The following EFCAB14 variants were observed in gnomAD, a reference collection of about 807,000 sequenced individuals.
EFCAB14 encodes the protein EF-hand calcium binding domain 14, also known as EF-hand calcium-binding domain-containing protein 14.
Under a neutral mutation model 56.5 loss-of-function variants are expected in EFCAB14, and 43 were observed. The observed-to-expected ratio is 0.76, with a 90% confidence interval of 0.60 to 0.98. The LOEUF (loss-of-function observed/expected upper bound fraction) is 0.98, where lower values mean the gene tolerates loss of function less well. Ranked by LOEUF, EFCAB14 falls within the 50% of genes least tolerant of loss-of-function variation. The pLI, the probability that EFCAB14 is intolerant of heterozygous loss-of-function variation, is 0.00. For synonymous variants in EFCAB14, 235 were observed against 212.9 expected, an observed-to-expected ratio of 1.10 and a Z score of -0.90; for missense variants, 538 against 580.3, an observed-to-expected ratio of 0.93 and a Z score of 0.75.
At chr1:46,717,817 G>A (rs1441677309) in intron 1 of EFCAB14, 86 bp downstream of exon 1, 5 of 1,434,124 alleles carry the variant, frequency 3.5e-6, no homozygotes, top group Non-Finnish European at 4.7e-6. Flanking sequence ...TCTTCCTAAG[G>A]ACTTCCTTTC....
rs200564580 is a variant in EFCAB14, at chr1:46,689,619, C to G, written c.763G>C (p.Asp255His). 175 of 1,613,884 alleles carry G rather than the reference C, an allele frequency of 1.1e-4. No individual in the cohort carries two copies. Among genetic ancestry groups the G allele is most frequent in the Middle Eastern group, 3.3e-4 (2 of 6,058 alleles). ...AAATTCTCACTGTGGGTTTTATTGT[C>G]AAGTTCTGATGTGGCTGAAGGTGAC... The part of the protein sequence containing the change: ...IPSPSATSEL[D>H]NKTHSENLKQ... The change falls in exon 6 of 11, where the codon GAC becomes CAC. Residue 255 changes from aspartate to histidine, a missense_variant. By Grantham distance (81) the Asp-to-His change is moderately conservative (BLOSUM62 -1). Transcript: ENST00000371933.
In EFCAB14 at chr1:46,718,569, G is replaced by A. The variant is rs1224908273; in HGVS notation, c.-482C>T. On this transcript the variant is annotated 5_prime_UTR_variant, in exon 1 of 11. Coordinates refer to ENST00000371933, the MANE Select transcript of EFCAB14 (RefSeq NM_014774.3). ...AGAGAAACTCGTTCTTGAATGGGAAGAGAGTGGGGAGGTGCAGAGTAAGAA... is the reference window on the plus strand; with the variant it reads ...AGAGAAACTCGTTCTTGAATGGGAAAAGAGTGGGGAGGTGCAGAGTAAGAA... 2.0e-5 allele frequency: 3 copies of A among 153,336 alleles called. No homozygotes were observed. The highest frequency in any genetic ancestry group is 4.4e-5 in the Non-Finnish European group (3 of 68,728). 9.5% of individuals were successfully genotyped at this position (153,336 alleles called of 1,614,324 possible).
rs758908936 is a variant in EFCAB14, at chr1:46,716,454, G to C, written c.186-11C>G. The stretch of plus-strand genomic sequence containing the variant: ...CGTAAATAGTCTCCCCTGCTCAAGA[G>C]GACAAATTCAACCATGAGTACAAAA... On this transcript the variant is annotated splice_polypyrimidine_tract_variant and intron_variant, in intron 1 of 10. Transcript: ENST00000371933. The C allele has an allele frequency of 6.2e-7, 1 of 1,613,406 alleles. No individual in the cohort carries two copies. Among genetic ancestry groups the C allele is most frequent in the South Asian group, 1.1e-5 (1 of 90,940 alleles).
At position 46,689,577 on chromosome 1, in the gene EFCAB14, T is replaced by C. The variant is rs1448297756; in HGVS notation, c.795+10A>G. On this transcript the variant is annotated intron_variant, in intron 6 of 10. Coordinates refer to ENST00000371933, the MANE Select transcript of EFCAB14 (RefSeq NM_014774.3). ...TGGTCACAGGGAGTTAAGCCAGAGA[T>C]AAAAAGCACCTGTTTCAAATTCTCA... 1.2e-6 allele frequency: 2 copies of C among 1,613,506 alleles called. No individual in the cohort carries two copies. Among genetic ancestry groups the C allele is most frequent in the Admixed American group, 3.3e-5 (2 of 59,958 alleles).
intron 8 of EFCAB14, among the ~76,000 whole-genome samples, chr1:46,685,466 T>C (rs1471526875): frequency 6.6e-6 from 1 of 152,232 alleles, no homozygotes. Context: ...TCTACTCTAA[T>C]AGTTACTGTA....
intron 3 of EFCAB14, among the ~76,000 whole-genome samples, chr1:46,700,686 T>C (rs1447169340): frequency 6.6e-6 from 1 of 152,214 alleles, no homozygotes; most frequent in Non-Finnish European, 1.5e-5. Context: ...TCTTATAAAA[T>C]AGCTCATGTA....
At chr1:46,681,143 G>A (rs1676787788) in intron 10 of EFCAB14, among the ~76,000 whole-genome samples, 1 of 152,042 alleles carries the variant, frequency 6.6e-6, no homozygotes, top group African/African-American at 2.4e-5. Flanking sequence ...ATTTTTTGTA[G>A]AGTTGGGATT....
In EFCAB14 at chr1:46,686,199, T is replaced by A. The variant is rs1281856618; in HGVS notation, c.1074+585A>T. On this transcript the variant is annotated intron_variant, in intron 8 of 10. Coordinates refer to ENST00000371933, the MANE Select transcript of EFCAB14 (RefSeq NM_014774.3). The stretch of plus-strand genomic sequence containing the variant: ...TATCAAAGCATATCATAGATTGCTG[T>A]CTTGACAGTATGTCTAGGAAGAACA... Among the ~76,000 whole-genome samples, 8 of 152,230 alleles carry A rather than the reference T, an allele frequency of 5.3e-5. No homozygotes were observed. In the East Asian group the frequency reaches 1.5e-3, roughly 29 times the overall value.
chr1:46,717,837 T>G lies in EFCAB14; in HGVS notation c.185+66A>C, dbSNP rs577553083. On this transcript the variant is annotated intron_variant, in intron 1 of 10. Transcript: ENST00000371933. ...CTAAGGACTTCCTTTCTCCTTCCTGTCAATGTGGCCCCTTGGTAGTGCAAG... is the reference window on the plus strand; with the variant it reads ...CTAAGGACTTCCTTTCTCCTTCCTGGCAATGTGGCCCCTTGGTAGTGCAAG... 1.0e-4 allele frequency: 153 copies of G among 1,529,134 alleles called. No individual in the cohort carries two copies. In the Middle Eastern group the frequency reaches 1.2e-3, roughly 12 times the overall value. The allele number at this position is 1,529,134 out of a possible 1,614,324, so 94.7% of individuals were successfully genotyped here.
intron 8 of EFCAB14, among the ~76,000 whole-genome samples, chr1:46,685,499 A>G (rs747859262): frequency 9.2e-5 from 14 of 152,194 alleles, no homozygotes; most frequent in Non-Finnish European, 1.9e-4. Flanking sequence ...CAGTTTATTT[A>G]GGGAGCTAAA....
intron 3 of EFCAB14, among the ~76,000 whole-genome samples, chr1:46,706,477 G>GA (rs1411247955): frequency 3.9e-5 from 6 of 152,156 alleles, no homozygotes; most frequent in Admixed American, 1.3e-4. Context: ...AGAACGAGAT[G>GA]AAAAATAGAT....
chr1:46,683,549 A>C, intron 9 of EFCAB14, 124 bp from the exon 10 acceptor site: 2 of 1,049,428 alleles, frequency 1.9e-6, no homozygotes, highest in Non-Finnish European at 2.7e-6. Flanking sequence ...TTTGAAGATA[A>C]AGTAGCATAG....
chr1:46,707,799 A>G, intron 3 of EFCAB14, 107 bp downstream of exon 3: 1 of 1,196,112 alleles, frequency 8.4e-7, no homozygotes, highest in Non-Finnish European at 1.1e-6. Context: ...AAAAAGTAAA[A>G]CAAACTGAAA....
Position 46,707,937 on chromosome 1 carries a change from A to C in EFCAB14, c.449T>G (p.Val150Gly), listed in dbSNP as rs746177817. The C allele has an allele frequency of 8.7e-6, 14 of 1,611,398 alleles. No homozygotes were observed. The highest frequency in any genetic ancestry group is 1.2e-5 in the Non-Finnish European group (14 of 1,179,626). ...ATTCATTTCTGTGATGTTTATCCAG[A>C]CTTTGTTCAAACCCATCTCTCCAGA... ...IESGEMGLNK[V>G]WINITEMNKQ... The change falls in exon 3 of 11, where the codon GTC becomes GGC. Residue 150 changes from valine (V) to glycine (G), a missense_variant. Val to Gly is a moderately radical substitution (Grantham distance 109, BLOSUM62 -3). Coordinates refer to ENST00000371933, the MANE Select transcript of EFCAB14 (RefSeq NM_014774.3).
At chr1:46,696,748 AG>A in intron 3 of EFCAB14, 99 bp from the exon 4 acceptor site, 1 of 1,115,542 alleles carries the variant, frequency 9.0e-7, no homozygotes, top group East Asian at 2.5e-5. Context: ...AAGATAGTCT[AG>A]GATTTTATGT....
intron 3 of EFCAB14, among the ~76,000 whole-genome samples, chr1:46,697,591 G>T (rs1289385437): frequency 6.6e-6 from 1 of 152,154 alleles, no homozygotes; most frequent in East Asian, 1.9e-4. Flanking sequence ...CTGGGCACTT[G>T]TTATGGGCCA....
intron 3 of EFCAB14, among the ~76,000 whole-genome samples, chr1:46,705,272 C>T (rs1677217791): frequency 6.6e-6 from 1 of 152,202 alleles, no homozygotes; most frequent in South Asian, 2.1e-4. Context: ...ATCAGGCTGG[C>T]TTCATAAGTC....
At chr1:46,714,679 T>C (rs901422132) in intron 2 of EFCAB14, among the ~76,000 whole-genome samples, 1 of 151,534 alleles carries the variant, frequency 6.6e-6, no homozygotes, top group Non-Finnish European at 1.5e-5. Context: ...GTTTCAGCTA[T>C]TGGGATTGGG....
At chr1:46,689,509 A>G (rs1460910223) in intron 6 of EFCAB14, 78 bp downstream of exon 6, 6 of 1,419,480 alleles carry the variant, frequency 4.2e-6, no homozygotes, top group Non-Finnish European at 6.0e-6. Flanking sequence ...CTGAGACACC[A>G]AACACTAAGC....
Sources: allele counts gnomAD v4.1 joint callset (sites outside exome capture counted in the v4.1 genomes callset), GRCh38; gene constraint gnomAD v4.1.1; transcripts MANE v1.5; gene names NCBI Gene and HGNC (gene_info 2026-07-23, HGNC 2026-07-21).